The following EPHB2 variants were observed in gnomAD, a reference collection of about 807,000 sequenced individuals.
The protein encoded by EPHB2 is ephrin type-B receptor 2.
Under a neutral mutation model 96.4 loss-of-function variants are expected in EPHB2, and 18 were observed. The ratio of observed to expected loss-of-function variants is 0.19; its 90% CI spans 0.13 to 0.28. The LOEUF (loss-of-function observed/expected upper bound fraction) is 0.28. Among genes scored for constraint, EPHB2 ranks in the 10% least tolerant of loss-of-function variants. The probability of loss-of-function intolerance (pLI) is 1.00; values close to 1 mark genes in which losing one functional copy is unlikely to be tolerated. For missense variants in EPHB2, 989 were observed against 1,355.4 expected (o/e 0.73, Z 4.25); for synonymous variants, 506 against 534.1 (o/e 0.95, Z 0.72).
chr1:22,881,634 G>T (rs993208469), intron 5 of EPHB2, among the ~76,000 whole-genome samples: 1 of 152,122 alleles, frequency 6.6e-6, no homozygotes, highest in African/African-American at 2.4e-5. Context: ...CACTCTTGTT[G>T]CCCAGGCTGG....
At chr1:22,749,157 A>G (rs1040213543) in intron 1 of EPHB2, among the ~76,000 whole-genome samples, 1 of 151,792 alleles carries the variant, frequency 6.6e-6, no homozygotes, top group African/African-American at 2.4e-5. Context: ...AGTAGCTGGG[A>G]CTACAGGCAG....
intron 3 of EPHB2, among the ~76,000 whole-genome samples, chr1:22,836,399 C>G (rs997799101): frequency 2.0e-5 from 3 of 152,266 alleles, no homozygotes; most frequent in Admixed American, 1.3e-4. Context: ...AGGAAGACAG[C>G]TATTGTGGTT....
Position 22,846,825 on chromosome 1 carries a change from C to A in EPHB2, c.812-16212C>A, listed in dbSNP as rs1645550288. On this transcript the variant is annotated intron_variant, in intron 3 of 15. Transcript: ENST00000374630. The surrounding 1 kb of genome is among the most constrained non-coding windows in gnomAD (Gnocchi z 4.3). ...GAAACCACAGTGGTAGAGACCCCTC[C>A]TCTGGGCTTCCAGACCCAGCGCCTC... 1.3e-5 allele frequency among the ~76,000 whole-genome samples: 2 copies of A among 152,224 alleles called. No individual in the cohort carries two copies. The highest frequency in any genetic ancestry group is 2.9e-5 in the Non-Finnish European group (2 of 68,034).
chr1:22,800,359 G>A (rs1644824883), intron 3 of EPHB2: 1 of 152,304 alleles, frequency 6.6e-6, no homozygotes, highest in Non-Finnish European at 1.5e-5. Context: ...AGCCTGCTGG[G>A]AGCCATTCCT....
At chr1:22,778,138 GC>G (rs1644478420) in intron 1 of EPHB2, among the ~76,000 whole-genome samples, 1 of 152,140 alleles carries the variant, frequency 6.6e-6, no homozygotes, top group Non-Finnish European at 1.5e-5. Flanking sequence ...CAATTTTCAT[GC>G]CTCAGCCTCC....
At chr1:22,851,985 G>A (rs145023187) in intron 3 of EPHB2, among the ~76,000 whole-genome samples, 116 of 152,334 alleles carry the variant, frequency 7.6e-4, no homozygotes, top group African/African-American at 2.7e-3. Flanking sequence ...ACAATAGAAT[G>A]AAGAGGCTGT....
chr1:22,888,726 C>G (rs1639302492), intron 6 of EPHB2, among the ~76,000 whole-genome samples: 1 of 152,214 alleles, frequency 6.6e-6, no homozygotes, highest in Non-Finnish European at 1.5e-5. Flanking sequence ...ACTACCTGAT[C>G]AAATTTTATC....
intron 3 of EPHB2, among the ~76,000 whole-genome samples, chr1:22,834,415 A>C (rs1172033533): frequency 6.6e-6 from 1 of 152,206 alleles, no homozygotes; most frequent in Non-Finnish European, 1.5e-5. Context: ...TCGGACGATT[A>C]AAATACCTTG....
At chr1:22,842,382 C>T (rs985409141) in intron 3 of EPHB2, among the ~76,000 whole-genome samples, 2 of 152,192 alleles carry the variant, frequency 1.3e-5, no homozygotes, top group African/African-American at 4.8e-5. Context: ...TTACCGAAGG[C>T]TGAAGAACTT....
chr1:22,794,464 C>G (rs1446962251), intron 3 of EPHB2, among the ~76,000 whole-genome samples: 1 of 152,100 alleles, frequency 6.6e-6, no homozygotes, highest in Non-Finnish European at 1.5e-5. Flanking sequence ...CAAATGCTCA[C>G]CCGGATGGGC....
At chr1:22,801,989 G>A (rs1028759197) in intron 3 of EPHB2, among the ~76,000 whole-genome samples, 6 of 152,200 alleles carry the variant, frequency 3.9e-5, no homozygotes, top group African/African-American at 9.6e-5. Flanking sequence ...TGCAAGCAGC[G>A]CGGGGCCTGC....
At chr1:22,787,952 A>G (rs1177744164) in intron 3 of EPHB2, among the ~76,000 whole-genome samples, 1 of 152,226 alleles carries the variant, frequency 6.6e-6, no homozygotes, top group Non-Finnish European at 1.5e-5. Context: ...CCCTCACCAC[A>G]TGGGCCTCTT....
intron 1 of EPHB2, among the ~76,000 whole-genome samples, chr1:22,755,174 C>T (rs1644130092): frequency 6.6e-6 from 1 of 152,042 alleles, no homozygotes; most frequent in Non-Finnish European, 1.5e-5. Context: ...CAGTTTATGC[C>T]GTCCTAGAAT....
chr1:22,741,223 G>A (rs1372926367), intron 1 of EPHB2, among the ~76,000 whole-genome samples: 1 of 152,054 alleles, frequency 6.6e-6, no homozygotes, highest in Non-Finnish European at 1.5e-5. Context: ...TTTCCCAGCG[G>A]CAGCCCTGGG....
intron 7 of EPHB2, among the ~76,000 whole-genome samples, chr1:22,894,451 G>T (rs1440986417): frequency 6.6e-6 from 1 of 152,032 alleles, no homozygotes; most frequent in Non-Finnish European, 1.5e-5. Flanking sequence ...TACAAAATCA[G>T]CTGGGCGTGA....
intron 1 of EPHB2, among the ~76,000 whole-genome samples, chr1:22,761,560 C>T (rs550830450): frequency 6.6e-6 from 1 of 152,226 alleles, no homozygotes; most frequent in Non-Finnish European, 1.5e-5. Context: ...TGACACTGAG[C>T]ACTGAGCCTC....
At chr1:22,826,292 G>C (rs559288192) in intron 3 of EPHB2, among the ~76,000 whole-genome samples, 1 of 152,262 alleles carries the variant, frequency 6.6e-6, no homozygotes, top group South Asian at 2.1e-4. Context: ...TGGGCTTAAG[G>C]AGTATGTTTG....
At chr1:22,813,998 A>G (rs370998510) in intron 3 of EPHB2, among the ~76,000 whole-genome samples, 9 of 151,922 alleles carry the variant, frequency 5.9e-5, no homozygotes, top group African/African-American at 1.9e-4. Flanking sequence ...ACATGGTGAA[A>G]CCCTCTCTAC....
chr1:22,871,380 A>T (rs1372474144), intron 5 of EPHB2, among the ~76,000 whole-genome samples: 1 of 152,140 alleles, frequency 6.6e-6, no homozygotes, highest in Admixed American at 6.5e-5. Context: ...AAGCTCTACC[A>T]TCAGCATATC....
Sources: gnomAD v4.1 joint callset for allele counts (sites outside exome capture counted in the v4.1 genomes callset) on GRCh38, gnomAD v4.1.1 for gene constraint, Gnocchi (gnomAD v3.1) non-coding constraint, MANE v1.5 for transcripts, NCBI Gene and HGNC (gene_info 2026-07-23, HGNC 2026-07-21) for gene names.